EPB41L2: variants seen among roughly 807,000 people sequenced by gnomAD.
EPB41L2 encodes erythrocyte membrane protein band 4.1 like 2, also known as band 4.1-like protein 2.
A neutral mutation model predicts 113.0 loss-of-function variants in EPB41L2; 43 were observed. The ratio of observed to expected loss-of-function variants is 0.38; its 90% CI spans 0.30 to 0.49. The LOEUF (loss-of-function observed/expected upper bound fraction) is 0.49, where lower values mean the gene tolerates loss of function less well. Ranked by LOEUF, EPB41L2 falls within the 20% of genes least tolerant of loss-of-function variation. EPB41L2 has a pLI of 0.95. For synonymous variants in EPB41L2, 442 were observed against 436.7 expected, an observed-to-expected ratio of 1.01 and a Z score of -0.15; for missense variants, 1,147 against 1,223.4, an observed-to-expected ratio of 0.94 and a Z score of 0.93.
At chr6:131,005,533 G>C (rs762958095) in intron 1 of EPB41L2, among the ~76,000 whole-genome samples, 2 of 152,188 alleles carry the variant, frequency 1.3e-5, no homozygotes, top group African/African-American at 4.8e-5. Flanking sequence ...GGGGGAGCCA[G>C]AATCTAAAGC....
chr6:131,009,536 C>CA (rs1005856799), intron 1 of EPB41L2, among the ~76,000 whole-genome samples: 9 of 149,586 alleles, frequency 6.0e-5, no homozygotes, highest in South Asian at 2.1e-4. Flanking sequence ...GTACATAAAG[C>CA]AAAAAAAAAT....
At chr6:131,033,019 G>A (rs1792530440) in intron 1 of EPB41L2, among the ~76,000 whole-genome samples, 1 of 152,126 alleles carries the variant, frequency 6.6e-6, no homozygotes, top group Admixed American at 6.6e-5. Flanking sequence ...GGGATTACAG[G>A]CGCTTGCCAC....
intron 4 of EPB41L2, among the ~76,000 whole-genome samples, chr6:130,912,400 C>G (rs893239330): frequency 6.6e-6 from 1 of 152,196 alleles, no homozygotes; most frequent in Non-Finnish European, 1.5e-5. Context: ...CAGTAAGATG[C>G]TGTGAAAGCA....
intron 19 of EPB41L2, among the ~76,000 whole-genome samples, chr6:130,852,167 A>G (rs1458817765): frequency 3.9e-5 from 6 of 152,210 alleles, no homozygotes; most frequent in Admixed American, 2.0e-4. Flanking sequence ...TGCCTTGGAA[A>G]CAAGCCCTTC....
chr6:130,931,330 T>C (rs1019401610), intron 3 of EPB41L2, among the ~76,000 whole-genome samples: 3 of 151,658 alleles, frequency 2.0e-5, no homozygotes, highest in Admixed American at 6.6e-5. Context: ...AATAAAGTCA[T>C]CAAGACAAGA....
At chr6:130,888,478 A>G (rs1352313664) in intron 11 of EPB41L2, among the ~76,000 whole-genome samples, 1 of 152,186 alleles carries the variant, frequency 6.6e-6, no homozygotes, top group Non-Finnish European at 1.5e-5. Context: ...GATTTCCTTG[A>G]GCACAGTTTG....
intron 14 of EPB41L2, among the ~76,000 whole-genome samples, chr6:130,875,637 C>T (rs1237728100): frequency 6.6e-6 from 1 of 152,146 alleles, no homozygotes; most frequent in African/African-American, 2.4e-5. Context: ...CCTAACACAA[C>T]ATTGTATTTC....
intron 1 of EPB41L2, among the ~76,000 whole-genome samples, chr6:131,004,335 T>A (rs1784989629): frequency 6.6e-6 from 1 of 152,104 alleles, no homozygotes; most frequent in South Asian, 2.1e-4. Context: ...ATCTGTAAAA[T>A]GAGGTTAAGG....
chr6:130,998,521 T>C (rs1584398283), intron 1 of EPB41L2, among the ~76,000 whole-genome samples: 1 of 152,178 alleles, frequency 6.6e-6, no homozygotes, highest in Non-Finnish European at 1.5e-5. Context: ...ATAAATAGCA[T>C]ATCTGAATAG....
chr6:130,888,230 T>C (rs1401653997), intron 11 of EPB41L2, among the ~76,000 whole-genome samples: 1 of 152,190 alleles, frequency 6.6e-6, no homozygotes, highest in Non-Finnish European at 1.5e-5. Context: ...ATATAAGCCC[T>C]AATCAAAGAG....
intron 3 of EPB41L2, among the ~76,000 whole-genome samples, chr6:130,937,231 G>A (rs1211569193): frequency 6.6e-6 from 1 of 152,132 alleles, no homozygotes. Flanking sequence ...ACGTATCCAC[G>A]ATGTATTATA....
At chr6:130,845,344 C>T (rs965166754) in intron 19 of EPB41L2, among the ~76,000 whole-genome samples, 1 of 151,786 alleles carries the variant, frequency 6.6e-6, no homozygotes, top group East Asian at 2.0e-4. Context: ...CTACATAAGT[C>T]GAAGCAGAGG....
chr6:130,970,954 A>C (rs1343852407), intron 1 of EPB41L2, among the ~76,000 whole-genome samples: 3 of 152,112 alleles, frequency 2.0e-5, no homozygotes, highest in Non-Finnish European at 2.9e-5. Context: ...TGGCACACTC[A>C]TGGCTCACTG....
rs1313571846 is a variant in EPB41L2 at position 130,870,119 on chromosome 6, T to G, written c.2051A>C (p.His684Pro). 7.5e-6 allele frequency: 12 copies of G among 1,600,600 alleles called. No individual in the cohort carries two copies. The East Asian group carries it at 2.5e-4, about 33-fold the overall frequency. Residue 684 changes from histidine to proline, a missense_variant, in exon 15 of 20, where the codon CAT (histidine) becomes CCT (proline). By Grantham distance (77) the His-to-Pro change is moderately conservative. Transcript: ENST00000337057. ...PLSLQTQGSS[H>P]ETLNIVEEKK... ...CTCCTCCACTATATTCAGAGTCTCA[T>G]GTGAACTCTGTACAAAAAAAGATGG...
Position 131,047,857 on chromosome 6 carries a change from A to C in EPB41L2, c.-15+15298T>G, listed in dbSNP as rs563453999. Reference sequence around the variant, plus strand: ...GGGAGGAAGAAAAGAAAAAAGAAAAATCGGCTGGGCGCGGTGGCTCATGCC... The same window carrying C: ...GGGAGGAAGAAAAGAAAAAAGAAAACTCGGCTGGGCGCGGTGGCTCATGCC... On this transcript the variant is annotated intron_variant, in intron 1 of 19. Coordinates refer to ENST00000337057, the MANE Select transcript of EPB41L2 (RefSeq NM_001431.4). Among the ~76,000 whole-genome samples, 21 of 152,260 alleles carry C rather than the reference A, an allele frequency of 1.4e-4. 1 individual carries two copies. The highest frequency in any genetic ancestry group is 5.1e-4 in the African/African-American group (21 of 41,548).
intron 1 of EPB41L2, among the ~76,000 whole-genome samples, chr6:131,060,790 G>A (rs758780926): frequency 2.0e-5 from 3 of 152,072 alleles, no homozygotes; most frequent in Non-Finnish European, 2.9e-5. Flanking sequence ...ATATTTAGAT[G>A]GTTATTTTTT....
At chr6:130,938,201 T>C (rs778574097) in intron 3 of EPB41L2, among the ~76,000 whole-genome samples, 35 of 152,260 alleles carry the variant, frequency 2.3e-4, no homozygotes, top group Non-Finnish European at 4.7e-4. Flanking sequence ...TTTCTGATTC[T>C]TGAATTTGAT....
At chr6:130,940,558 T>C (rs775939799) in intron 3 of EPB41L2, among the ~76,000 whole-genome samples, 4 of 151,724 alleles carry the variant, frequency 2.6e-5, no homozygotes, top group Non-Finnish European at 5.9e-5. Context: ...CTCTACCTCC[T>C]GGGTTCAAGC....
At chr6:130,906,350 A>AC (rs1554267911) in intron 5 of EPB41L2, among the ~76,000 whole-genome samples, 1 of 152,012 alleles carries the variant, frequency 6.6e-6, no homozygotes, top group Non-Finnish European at 1.5e-5. Context: ...AATGGTATAC[A>AC]TTTTGGTACA....
Sources: gnomAD v4.1 joint callset for allele counts (sites outside exome capture counted in the v4.1 genomes callset) on GRCh38, gnomAD v4.1.1 for gene constraint, MANE v1.5 for transcripts, NCBI Gene and HGNC (gene_info 2026-07-23, HGNC 2026-07-21) for gene names.